The following ATG7 variants were observed in gnomAD, a reference collection of about 807,000 sequenced individuals.
ATG7 encodes the protein autophagy related 7, also known as ubiquitin-like modifier-activating enzyme ATG7.
A neutral mutation model predicts 82.4 loss-of-function variants in ATG7; 70 were observed. That is an observed-to-expected ratio of 0.85 (90% CI 0.70 to 1.04). The LOEUF is 1.04. Ranked by LOEUF, ATG7 falls within the 50% of genes least tolerant of loss-of-function variation. The pLI is 0.00. For synonymous variants in ATG7, 287 were observed against 313.0 expected, an observed-to-expected ratio of 0.92 and a Z score of 0.88; for missense variants, 792 against 864.3, an observed-to-expected ratio of 0.92 and a Z score of 1.05.
At chr3:11,433,061 T>C (rs569620478) in intron 20 of ATG7, among the ~76,000 whole-genome samples, 1 of 151,790 alleles carries the variant, frequency 6.6e-6, no homozygotes. Flanking sequence ...GGAGGCTAAG[T>C]TGGGAGGATT....
At chr3:11,280,220 G>T (rs1306978198) in intron 1 of ATG7, among the ~76,000 whole-genome samples, 2 of 151,736 alleles carry the variant, frequency 1.3e-5, no homozygotes, top group African/African-American at 4.8e-5. Flanking sequence ...CCCTTTTTTT[G>T]TATTTTTAGT....
chr3:11,377,658 C>G (rs2077523353), intron 18 of ATG7, among the ~76,000 whole-genome samples: 1 of 152,154 alleles, frequency 6.6e-6, no homozygotes, highest in Non-Finnish European at 1.5e-5. Context: ...TAGATGGACA[C>G]ATGACTTGTA....
chr3:11,366,991 G>GTGTGTGTA (rs1246854872), intron 18 of ATG7, among the ~76,000 whole-genome samples: 9 of 151,434 alleles, frequency 5.9e-5, no homozygotes, highest in Admixed American at 4.6e-4. Context: ...GTGTGTGTGT[G>GTGTGTGTA]TGTGTGTGTG....
chr3:11,439,069 C>CTTTTTTTTTTTTTTTTT lies in ATG7; in HGVS notation c.2079+12144_2079+12160dup, dbSNP rs67206280. Among the ~76,000 whole-genome samples, 97 of 121,950 alleles carry CTTTTTTTTTTTTTTTTT rather than the reference C, an allele frequency of 8.0e-4. 1 individual carries two copies. The highest frequency in any genetic ancestry group is 1.2e-3 in the Non-Finnish European group (71 of 61,038). The allele number at this position is 121,950 out of a possible 152,430, so 80.0% of individuals were successfully genotyped here. On this transcript the variant is annotated intron_variant, in intron 20 of 20. Transcript: ENST00000693202. The stretch of plus-strand genomic sequence containing the variant: ...TATTTTCTTTTTCTTTTCTTTCTTT[C>CTTTTTTTTTTTTTTTTT]TTTTTTTTTTTTTTTTTGAGACAGA...
Position 11,358,476 on chromosome 3 carries a change from G to A in ATG7, c.1343G>A (p.Ser448Asn). The change falls in exon 15 of 21, where the codon AGT (serine) becomes AAT (asparagine). Residue 448 changes from serine (S) to asparagine (N), a missense_variant. Ser to Asn is a conservative substitution (Grantham distance 46). Transcript: ENST00000693202. ...CCTGGGCATCCAGTGAACTTCTCCA[G>A]TGTCACTCTGGAGCAAGCCCGCAGA... ...PMPGHPVNFS[S>N]VTLEQARRDV... 20 of 1,614,104 alleles carry A rather than the reference G, an allele frequency of 1.2e-5. No homozygotes were observed. The highest frequency in any genetic ancestry group is 1.7e-5 in the Non-Finnish European group (20 of 1,179,998).
rs1553675498 is a variant in ATG7 at position 11,451,918 on chromosome 3, C to CACACACACACACAT, written c.2079+24993_2079+24994insCACACACACACATA. Among the ~76,000 whole-genome samples, 7 of 150,822 alleles carry CACACACACACACAT rather than the reference C, an allele frequency of 4.6e-5. No homozygotes were observed. The East Asian group carries it at 5.8e-4, about 13-fold the overall frequency. On this transcript the variant is annotated intron_variant, in intron 20 of 20. Coordinates refer to ENST00000693202, the MANE Select transcript of ATG7 (RefSeq NM_001349232.2). The stretch of plus-strand genomic sequence containing the variant: ...ACACACACAGACACACACACACACA[C>CACACACACACACAT]ATATACATATCTCTTAAATGAGATT...
At position 11,332,966 on chromosome 3, in the gene ATG7, C is replaced by A; in HGVS notation, c.768-6C>A. 1 of 1,489,122 alleles carries A rather than the reference C, an allele frequency of 6.7e-7. No individual in the cohort carries two copies. Among genetic ancestry groups the A allele is most frequent in the Non-Finnish European group, 8.9e-7 (1 of 1,121,240 alleles). 92.2% of individuals were successfully genotyped at this position (1,489,122 alleles called of 1,614,324 possible). ...TAAATAAATAAAAATCCGGGCATGA[C>A]AACAGGAGTAGCAGTTTCCAGTCTG... On this transcript the variant is annotated splice_region_variant and splice_polypyrimidine_tract_variant and intron_variant, in intron 10 of 20. Transcript: ENST00000693202.
intron 15 of ATG7, 24 bp from the exon 16 acceptor site, chr3:11,360,555 GCT>G: frequency 6.2e-7 from 1 of 1,603,210 alleles, no homozygotes. Flanking sequence ...TTTTAACTCT[GCT>G]CTTTCATTCC....
chr3:11,277,627 T>G (rs1036259190), intron 1 of ATG7, among the ~76,000 whole-genome samples: 8 of 152,100 alleles, frequency 5.3e-5, no homozygotes, highest in African/African-American at 1.9e-4. Context: ...GTCACAAAGA[T>G]CACATGCTTC....
At chr3:11,528,442 A>AC (rs2124961801) in intron 20 of ATG7, among the ~76,000 whole-genome samples, 1 of 152,306 alleles carries the variant, frequency 6.6e-6, no homozygotes, top group Non-Finnish European at 1.5e-5. Context: ...ATCATCAGAG[A>AC]CCTTGAGAAG....
chr3:11,498,645 G>T (rs553578750), intron 20 of ATG7, among the ~76,000 whole-genome samples: 1 of 152,136 alleles, frequency 6.6e-6, no homozygotes, highest in South Asian at 2.1e-4. Flanking sequence ...TGGCCAGACT[G>T]GTGAGGCCAG....
rs1049285858 is a variant in ATG7 at position 11,440,273 on chromosome 3, A to G, written c.2079+13347A>G. Among the ~76,000 whole-genome samples the G allele has an allele frequency of 2.7e-5, 4 of 149,242 alleles. 1 individual carries two copies. In the South Asian group the frequency reaches 6.4e-4, roughly 24 times the overall value. ...CTTGCGACTCCAATCCCAACTTACC[A>G]TTGGGAAAAGAGCAGGTAAGAGATA... On this transcript the variant is annotated intron_variant, in intron 20 of 20. Transcript: ENST00000693202.
chr3:11,551,275 G>A (rs879749197), intron 20 of ATG7, among the ~76,000 whole-genome samples: 1 of 152,208 alleles, frequency 6.6e-6, no homozygotes, highest in African/African-American at 2.4e-5. Flanking sequence ...TCTGTTCGGA[G>A]GGTTTCCTGG....
intron 20 of ATG7, among the ~76,000 whole-genome samples, chr3:11,432,398 T>C (rs947837740): frequency 3.9e-5 from 6 of 152,198 alleles, no homozygotes; most frequent in Non-Finnish European, 8.8e-5. Context: ...TTAAAAAATT[T>C]AAGTACCACA....
chr3:11,449,779 TTGCCATAG>T (rs2084930522), intron 20 of ATG7, among the ~76,000 whole-genome samples: 1 of 152,216 alleles, frequency 6.6e-6, no homozygotes, highest in Non-Finnish European at 1.5e-5. Flanking sequence ...AACAGGCGCT[TTGCCATAG>T]TACTTGGAAA....
chr3:11,502,459 G>GT (rs2091410041), intron 20 of ATG7, among the ~76,000 whole-genome samples: 1 of 142,584 alleles, frequency 7.0e-6, no homozygotes, highest in Non-Finnish European at 1.5e-5. Flanking sequence ...CCACCTATGA[G>GT]TGAGAATATG....
chr3:11,395,977 A>AGGGG (rs1446611426), intron 19 of ATG7, among the ~76,000 whole-genome samples: 5 of 130,824 alleles, frequency 3.8e-5, no homozygotes, highest in African/African-American at 1.5e-4. Context: ...GTAGGGGGGG[A>AGGGG]AGAGTAAAAG....
At chr3:11,450,619 A>T (rs1396564583) in intron 20 of ATG7, among the ~76,000 whole-genome samples, 3 of 152,198 alleles carry the variant, frequency 2.0e-5, no homozygotes. Flanking sequence ...TGGAGCTGTG[A>T]TATCTCACTC....
Position 11,290,416 on chromosome 3 carries a change from C to T in ATG7, c.-11+7978C>T. The T allele has an allele frequency of 1.9e-5, 4 of 208,532 alleles. No individual in the cohort carries two copies. In the South Asian group the frequency reaches 2.1e-4, roughly 11 times the overall value. The allele number at this position is 208,532 out of a possible 1,614,324, so 12.9% of individuals were successfully genotyped here. ...CTTTACTGGGCTCAGACCAGGAGCC[C>T]ATGGTCTTGAGGAACTCTGTATTTA... On this transcript the variant is annotated intron_variant, in intron 3 of 20. Coordinates refer to ENST00000693202, the MANE Select transcript of ATG7 (RefSeq NM_001349232.2).
Sources: allele counts gnomAD v4.1 joint callset (sites outside exome capture counted in the v4.1 genomes callset), GRCh38; gene constraint gnomAD v4.1.1; transcripts MANE v1.5; gene names NCBI Gene and HGNC (gene_info 2026-07-23, HGNC 2026-07-21).